COL4A1: variants seen among roughly 807,000 people sequenced by gnomAD.
COL4A1 encodes the protein collagen type IV alpha 1 chain.
Under a neutral mutation model 216.6 loss-of-function variants are expected in COL4A1, and 40 were observed. The ratio of observed to expected loss-of-function variants is 0.18; its 90% confidence interval spans 0.14 to 0.24. COL4A1 has a LOEUF of 0.24. Among genes scored for constraint, COL4A1 ranks in the 10% least tolerant of loss-of-function variants. The pLI, the probability that COL4A1 is intolerant of heterozygous loss-of-function variation, is 1.00. For synonymous variants in COL4A1, 839 were observed against 810.7 expected (o/e 1.03, Z -0.59); for missense variants, 1,628 against 2,196.8 (o/e 0.74, Z 5.18).
chr13:110,230,625 C>T lies in COL4A1; in HGVS notation c.144+12050G>A, dbSNP rs554969650. 5.9e-5 allele frequency among the ~76,000 whole-genome samples: 9 copies of T among 152,294 alleles called. No individual in the cohort carries two copies. In the South Asian group the frequency reaches 1.0e-3, roughly 18 times the overall value. On this transcript the variant is annotated intron_variant, in intron 2 of 51. Transcript: ENST00000375820. ...GCAGAAGCCACTGCACCTCCGGCCC[C>T]CACCACACCCTGCCCAGGTCCCTAT... is the stretch of plus-strand genomic sequence containing the variant.
chr13:110,260,404 G>A (rs1410904976), intron 1 of COL4A1, among the ~76,000 whole-genome samples: 1 of 152,160 alleles, frequency 6.6e-6, no homozygotes, highest in Non-Finnish European at 1.5e-5. Context: ...TACAATTTAA[G>A]GTGGGATGTG....
At chr13:110,288,731 A>G (rs1425729473) in intron 1 of COL4A1, among the ~76,000 whole-genome samples, 3 of 152,152 alleles carry the variant, frequency 2.0e-5, no homozygotes, top group Non-Finnish European at 4.4e-5. Flanking sequence ...CTCGGGAGCT[A>G]CCTGTAAATG....
intron 1 of COL4A1, among the ~76,000 whole-genome samples, chr13:110,291,389 C>A (rs1271636194): frequency 6.6e-6 from 1 of 152,214 alleles, no homozygotes; most frequent in Non-Finnish European, 1.5e-5. Flanking sequence ...AGCTGGCTGT[C>A]CACAGAACTC....
At chr13:110,302,018 G>A (rs1482915714) in intron 1 of COL4A1, among the ~76,000 whole-genome samples, 1 of 152,154 alleles carries the variant, frequency 6.6e-6, no homozygotes, top group East Asian at 1.9e-4. Flanking sequence ...AGAGCTGGGA[G>A]GAGGGGCAGG....
chr13:110,182,313 G>A (rs1057361451), intron 28 of COL4A1, among the ~76,000 whole-genome samples: 1 of 152,220 alleles, frequency 6.6e-6, no homozygotes, highest in Non-Finnish European at 1.5e-5. Context: ...GAGCCTCTGG[G>A]TAAGAAGCCT....
chr13:110,244,810 T>C (rs1199875873), intron 1 of COL4A1, among the ~76,000 whole-genome samples: 1 of 152,178 alleles, frequency 6.6e-6, no homozygotes, highest in Non-Finnish European at 1.5e-5. Context: ...CTGTACTTCA[T>C]CTAAGACGAC....
intron 1 of COL4A1, among the ~76,000 whole-genome samples, chr13:110,277,940 T>C (rs1259299445): frequency 6.6e-6 from 1 of 152,218 alleles, no homozygotes; most frequent in African/African-American, 2.4e-5. Context: ...CATGCTAGCA[T>C]TATTGCCTTT....
chr13:110,293,256 C>T (rs574331902), intron 1 of COL4A1, among the ~76,000 whole-genome samples: 7 of 152,244 alleles, frequency 4.6e-5, no homozygotes, highest in South Asian at 2.1e-4. Flanking sequence ...TGTTTCTGGA[C>T]GTCTGCAGGC....
In COL4A1 at chr13:110,167,250, G is replaced by A. The variant is rs749602924; in HGVS notation, c.3877-20C>T. ...AATACCCTAGACACGCAAAGAGGAG[G>A]TTGGGAATTGCTCAGGATATGTAGG... On this transcript the variant is annotated intron_variant, in intron 43 of 51. Coordinates refer to ENST00000375820, the MANE Select transcript of COL4A1 (RefSeq NM_001845.6). 8 of 1,588,648 alleles carry A rather than the reference G, an allele frequency of 5.0e-6. No homozygotes were observed. The highest frequency in any genetic ancestry group is 6.9e-6 in the Non-Finnish European group (8 of 1,156,738).
At chr13:110,174,309 G>A in intron 39 of COL4A1, 137 bp downstream of exon 39, 2 of 918,510 alleles carry the variant, frequency 2.2e-6, no homozygotes, top group East Asian at 5.2e-5. Context: ...ACTAGACTCA[G>A]TTTGCCCATC....
chr13:110,232,101 T>A (rs934485694), intron 2 of COL4A1, among the ~76,000 whole-genome samples: 1 of 152,236 alleles, frequency 6.6e-6, no homozygotes, highest in Non-Finnish European at 1.5e-5. Flanking sequence ...TAGCTTCTCG[T>A]GTCAGATTCT....
chr13:110,237,487 T>A (rs679248), intron 2 of COL4A1, among the ~76,000 whole-genome samples: 126,143 of 152,070 alleles, frequency 0.83, 52,595 homozygotes, highest in East Asian at 0.99. Context: ...AAGGCTGGGA[T>A]GCTGCTCGAC....
chr13:110,237,902 CACG>C (rs1375112910), intron 2 of COL4A1, among the ~76,000 whole-genome samples: 1 of 152,242 alleles, frequency 6.6e-6, no homozygotes, highest in African/African-American at 2.4e-5. Context: ...CTCAGCCATA[CACG>C]ACATTAAACT....
intron 10 of COL4A1, among the ~76,000 whole-genome samples, chr13:110,209,650 C>G (rs1879685150): frequency 6.6e-6 from 1 of 152,206 alleles, no homozygotes; most frequent in South Asian, 2.1e-4. Context: ...GGTGAAGTCA[C>G]CTGGGGCACA....
At chr13:110,301,444 G>T (rs6492256) in intron 1 of COL4A1, among the ~76,000 whole-genome samples, 134,852 of 152,256 alleles carry the variant, frequency 0.89, 60,035 homozygotes, top group Non-Finnish European at 0.93. Flanking sequence ...AACCAGCACC[G>T]CTCGAGTGCT....
At chr13:110,192,409 A>G in intron 23 of COL4A1, 125 bp from the exon 24 acceptor site, 1 of 922,822 alleles carries the variant, frequency 1.1e-6, no homozygotes. Context: ...GGATAATCCA[A>G]AGAGAGTAAT....
At position 110,176,733 on chromosome 13, in the gene COL4A1, C is replaced by A. The variant is rs774634291; in HGVS notation, c.2870-9G>T. Reference sequence around the variant, plus strand: ...AATTGGTCCAATTTGTCCTACACATCAGAGAAGAAAATAGCAATGACCCGC... The same window carrying A: ...AATTGGTCCAATTTGTCCTACACATAAGAGAAGAAAATAGCAATGACCCGC... On this transcript the variant is annotated splice_polypyrimidine_tract_variant and intron_variant, in intron 34 of 51. Coordinates refer to ENST00000375820, the MANE Select transcript of COL4A1 (RefSeq NM_001845.6). The A allele has an allele frequency of 1.2e-5, 19 of 1,613,928 alleles. No homozygotes were observed. The highest frequency in any genetic ancestry group is 1.5e-5 in the Non-Finnish European group (18 of 1,179,902).
rs780665099 is a variant in COL4A1 at position 110,198,516 on chromosome 13, G to A, written c.1236C>T (p.Leu412=). Residue 412 remains leucine, a synonymous_variant, in exon 21 of 52, where the codon CTC becomes CTT. Coordinates refer to ENST00000375820, the MANE Select transcript of COL4A1 (RefSeq NM_001845.6). ...SLPGPSGRDG[L]PGPPGSPGPP... is the part of the protein sequence containing the mutation. ...GCCCAGGGGAACCAGGAGGACCCGG[G>A]AGCCCATCTCTTCCACTTGGTCCTG... 2 of 1,613,882 alleles carry A rather than the reference G, an allele frequency of 1.2e-6. No homozygotes were observed. The highest frequency in any genetic ancestry group is 1.3e-5 in the African/African-American group (1 of 74,908).
intron 33 of COL4A1, 132 bp from the exon 34 acceptor site, chr13:110,177,169 G>A: frequency 6.9e-7 from 1 of 1,454,674 alleles, no homozygotes; most frequent in Non-Finnish European, 9.3e-7. Flanking sequence ...GTCCAAAATG[G>A]CATTAATGGC....
Sources: gnomAD v4.1 joint callset for allele counts (sites outside exome capture counted in the v4.1 genomes callset) on GRCh38, gnomAD v4.1.1 for gene constraint, MANE v1.5 for transcripts, NCBI Gene and HGNC (gene_info 2026-07-23, HGNC 2026-07-21) for gene names.